The following DPP10 variants were observed in gnomAD, a reference collection of about 807,000 sequenced individuals.
DPP10 encodes inactive dipeptidyl peptidase 10.
DPP10 carries 33 observed loss-of-function variants against 120.9 expected under a neutral mutation model. The ratio of observed to expected loss-of-function variants is 0.27; its 90% CI spans 0.21 to 0.37. The LOEUF is 0.37. Among genes scored for constraint, DPP10 ranks in the 10% least tolerant of loss-of-function variants. DPP10 has a pLI of 1.00. For synonymous variants in DPP10, 337 were observed against 326.1 expected (o/e 1.03, Z -0.36); for missense variants, 816 against 942.8 (o/e 0.87, Z 1.76).
intron 1 of DPP10, among the ~76,000 whole-genome samples, chr2:114,530,262 T>G (rs2104728292): frequency 6.6e-6 from 1 of 152,302 alleles, no homozygotes; most frequent in East Asian, 1.9e-4. Context: ...TTTTTCATTT[T>G]ATCTGTAACA....
intron 12 of DPP10, among the ~76,000 whole-genome samples, chr2:115,766,083 A>T (rs976060641): frequency 1.3e-5 from 2 of 151,882 alleles, no homozygotes; most frequent in African/African-American, 4.8e-5. Context: ...GGTGCTGCAG[A>T]TGCAGTAGTG....
intron 1 of DPP10, among the ~76,000 whole-genome samples, chr2:114,539,378 C>T (rs906856972): frequency 4.0e-5 from 6 of 151,816 alleles, no homozygotes; most frequent in African/African-American, 7.3e-5. Flanking sequence ...AAGTTCCTTC[C>T]GACTGTATTT....
intron 1 of DPP10, among the ~76,000 whole-genome samples, chr2:114,899,237 T>C (rs1267417074): frequency 6.6e-6 from 1 of 152,074 alleles, no homozygotes; most frequent in Non-Finnish European, 1.5e-5. Context: ...GTCTATTTTC[T>C]AGAGGCAGCT....
chr2:115,360,603 C>G (rs532882640), intron 3 of DPP10, among the ~76,000 whole-genome samples: 1 of 152,302 alleles, frequency 6.6e-6, no homozygotes, highest in Non-Finnish European at 1.5e-5. Context: ...CAGGGGATGA[C>G]TCTCTCACCA....
At chr2:114,904,161 T>G (rs1274050995) in intron 1 of DPP10, among the ~76,000 whole-genome samples, 1 of 152,100 alleles carries the variant, frequency 6.6e-6, no homozygotes, top group African/African-American at 2.4e-5. Flanking sequence ...AGTTAGACAT[T>G]AGAAAGAAAA....
At chr2:114,751,368 C>G (rs1358926561) in intron 1 of DPP10, among the ~76,000 whole-genome samples, 2 of 152,178 alleles carry the variant, frequency 1.3e-5, no homozygotes, top group Non-Finnish European at 2.9e-5. Flanking sequence ...ACTACTTATT[C>G]ACACCCCAGC....
intron 3 of DPP10, among the ~76,000 whole-genome samples, chr2:115,386,075 T>A (rs1207597956): frequency 1.3e-5 from 2 of 152,214 alleles, no homozygotes; most frequent in Non-Finnish European, 2.9e-5. Flanking sequence ...TTTAGGCAAT[T>A]TATATACCTT....
chr2:115,740,431 TAAAG>T (rs1377608980), intron 9 of DPP10, among the ~76,000 whole-genome samples: 13 of 152,074 alleles, frequency 8.5e-5, no homozygotes, highest in African/African-American at 1.2e-4. Context: ...AGAATCTCAA[TAAAG>T]AAAGGACCAA....
intron 3 of DPP10, among the ~76,000 whole-genome samples, chr2:115,377,237 T>C (rs1416621303): frequency 6.6e-5 from 10 of 150,976 alleles, no homozygotes; most frequent in East Asian, 3.9e-4. Flanking sequence ...TTTTAATGAT[T>C]GCCATTCTAA....
At position 115,124,933 on chromosome 2, in the gene DPP10, G is replaced by A. The variant is rs193113805; in HGVS notation, c.61-184306G>A. 4.7e-3 allele frequency among the ~76,000 whole-genome samples: 709 copies of A among 152,246 alleles called. 6 individuals carry two copies. The highest frequency in any genetic ancestry group is 0.018 in the South Asian group (87 of 4,824). ...TAATGCTGGATCTACTTAGCAAGAG[G>A]ACAGCCAGGGACACCTTAGAGATAA... On this transcript the variant is annotated intron_variant, in intron 1 of 25. Transcript: ENST00000410059.
At chr2:114,707,900 C>T (rs1260620412) in intron 1 of DPP10, among the ~76,000 whole-genome samples, 1 of 152,112 alleles carries the variant, frequency 6.6e-6, no homozygotes, top group Admixed American at 6.6e-5. Context: ...AATTTCCAAT[C>T]CCAGGGGGAC....
Position 115,499,567 on chromosome 2 carries a change from C to G in DPP10, c.329C>G (p.Thr110Arg). ...NGHVIKLNIE[T>R]NATTLLLENT... ...CATGTCATTAAACTGAATATAGAAA[C>G]AAATGCTACCACATTATTATTGGAA... The change falls in exon 4 of 26, where the codon ACA (threonine) becomes AGA (arginine). Residue 110 changes from threonine to arginine, a missense_variant. Coordinates refer to ENST00000410059, the MANE Select transcript of DPP10 (RefSeq NM_020868.6). The G allele has an allele frequency of 1.9e-6, 3 of 1,611,442 alleles. No homozygotes were observed. Among genetic ancestry groups the G allele is most frequent in the Non-Finnish European group, 2.5e-6 (3 of 1,178,414 alleles).
chr2:114,661,832 T>C (rs1284446338), intron 1 of DPP10, among the ~76,000 whole-genome samples: 1 of 152,162 alleles, frequency 6.6e-6, no homozygotes, highest in East Asian at 1.9e-4. Context: ...GTTTTCTTCA[T>C]TCAGCAACAT....
intron 1 of DPP10, among the ~76,000 whole-genome samples, chr2:115,031,589 G>C (rs1354089126): frequency 6.6e-6 from 1 of 152,110 alleles, no homozygotes; most frequent in Non-Finnish European, 1.5e-5. Flanking sequence ...TGTTTATTTA[G>C]GGTGCTGTGA....
At chr2:115,054,970 T>C (rs1021864113) in intron 1 of DPP10, among the ~76,000 whole-genome samples, 5 of 152,148 alleles carry the variant, frequency 3.3e-5, no homozygotes, top group African/African-American at 1.2e-4. Context: ...CACAATATAA[T>C]AGGTTTGGAT....
intron 1 of DPP10, among the ~76,000 whole-genome samples, chr2:114,978,969 T>A (rs1699921534): frequency 1.3e-5 from 2 of 152,118 alleles, no homozygotes; most frequent in South Asian, 4.1e-4. Flanking sequence ...TCACACAAAT[T>A]AGGACATTTT....
chr2:115,100,825 T>G (rs2048657801), intron 1 of DPP10, among the ~76,000 whole-genome samples: 1 of 152,202 alleles, frequency 6.6e-6, no homozygotes, highest in South Asian at 2.1e-4. Context: ...TTTTTCTCAG[T>G]CATAATGTTT....
rs574715836 is a variant in DPP10, at chr2:115,278,590, T to C, written c.61-30649T>C. On this transcript the variant is annotated intron_variant, in intron 1 of 25. Transcript: ENST00000410059. ...GAGGGCCTCAGGCTGCTTCTACTTA[T>C]GGTGGAAGGCAAAGGGGAGCTGACT... 1.2e-4 allele frequency among the ~76,000 whole-genome samples: 19 copies of C among 152,106 alleles called. No individual in the cohort carries two copies. In the South Asian group the frequency reaches 3.7e-3, roughly 30 times the overall value.
At chr2:114,497,366 CACATGTACATATACATAT>C (rs1372186121) in intron 1 of DPP10, among the ~76,000 whole-genome samples, 1 of 102,134 alleles carries the variant, frequency 9.8e-6, no homozygotes, top group Non-Finnish European at 2.0e-5. Flanking sequence ...CATATACATA[CACATGTACATATACATAT>C]ACATACACAT....
Sources: allele counts gnomAD v4.1 joint callset (sites outside exome capture counted in the v4.1 genomes callset), GRCh38; gene constraint gnomAD v4.1.1; transcripts MANE v1.5; gene names NCBI Gene and HGNC (gene_info 2026-07-23, HGNC 2026-07-21).